CPNE3: variants seen among roughly 807,000 people sequenced by gnomAD.
CPNE3 encodes copine-3.
In CPNE3, 68 loss-of-function variants were observed where a neutral mutation model predicts 63.9. The ratio of observed to expected loss-of-function variants is 1.06; its 90% CI spans 0.87 to 1.30. The LOEUF (loss-of-function observed/expected upper bound fraction) is 1.30, where lower values mean the gene tolerates loss of function less well. CPNE3 is among the 50% of genes most tolerant of loss of function. The pLI is 0.00. For synonymous variants in CPNE3, 219 were observed against 197.5 expected (o/e 1.11, Z -0.91); for missense variants, 665 against 578.1 (o/e 1.15, Z -1.54).
Position 86,528,983 on chromosome 8 carries a change from C to A in CPNE3, c.171C>A (p.Pro57=). 1 of 1,613,552 alleles carries A rather than the reference C, an allele frequency of 6.2e-7. No homozygotes were observed. The highest frequency in any genetic ancestry group is 8.5e-7 in the Non-Finnish European group (1 of 1,179,892). The part of the protein sequence containing the change: ...RTERIKNCLN[P]QFSKTFIIDY... ...AAAGGATTAAGAATTGCTTGAATCC[C>A]CAATTTTCCAAGACATTTATTATTG... is the stretch of plus-strand genomic sequence containing the variant. Residue 57 remains proline (P), a synonymous_variant, in exon 4 of 17, where the codon CCC becomes CCA. Coordinates refer to ENST00000517490, the MANE Select transcript of CPNE3 (RefSeq NM_003909.5).
intron 2 of CPNE3, among the ~76,000 whole-genome samples, chr8:86,520,417 G>A (rs935251013): frequency 2.0e-5 from 3 of 151,830 alleles, no homozygotes; most frequent in East Asian, 2.0e-4. Flanking sequence ...TTAGCTGGGC[G>A]TGATGGCAGC....
intron 2 of CPNE3, among the ~76,000 whole-genome samples, chr8:86,522,902 A>T (rs1432709544): frequency 6.6e-6 from 1 of 152,216 alleles, no homozygotes; most frequent in African/African-American, 2.4e-5. Flanking sequence ...AGTCACTGAC[A>T]TGAGCCTGCG....
In CPNE3 at chr8:86,537,770, A is replaced by T. The variant is rs1820833914; in HGVS notation, c.543+124A>T. 13 of 644,934 alleles carry T rather than the reference A, an allele frequency of 2.0e-5. No individual in the cohort carries two copies. In the Admixed American group the frequency reaches 3.4e-4, roughly 17 times the overall value. The allele number at this position is 644,934 out of a possible 1,614,324, so 40.0% of individuals were successfully genotyped here. On this transcript the variant is annotated intron_variant, in intron 7 of 16. Coordinates refer to ENST00000517490, the MANE Select transcript of CPNE3 (RefSeq NM_003909.5). ...TTCATACTTACATATAGCCAGAGAC[A>T]CAAGATCACCATGTTCATATTTTTT...
At chr8:86,522,262 A>G (rs1005942126) in intron 2 of CPNE3, among the ~76,000 whole-genome samples, 1 of 152,204 alleles carries the variant, frequency 6.6e-6, no homozygotes, top group Non-Finnish European at 1.5e-5. Context: ...CTATGTATAC[A>G]TAGTTAGCTA....
chr8:86,540,615 T>C (rs1359585377), intron 8 of CPNE3, among the ~76,000 whole-genome samples: 2 of 152,144 alleles, frequency 1.3e-5, no homozygotes, highest in African/African-American at 4.8e-5. Flanking sequence ...CAGTTTAATA[T>C]TTTTTTCCTT....
rs906872028 is a variant in CPNE3 at position 86,550,939 on chromosome 8, A to G, written c.1014-107A>G. The G allele has an allele frequency of 5.6e-6, 6 of 1,064,122 alleles. No homozygotes were observed. In the African/African-American group the frequency reaches 8.0e-5, roughly 14 times the overall value. 65.9% of individuals were successfully genotyped at this position (1,064,122 alleles called of 1,614,324 possible). On this transcript the variant is annotated intron_variant, in intron 12 of 16. Coordinates refer to ENST00000517490, the MANE Select transcript of CPNE3 (RefSeq NM_003909.5). ...AGTTAATATAGGTAATCTTTGTTTT[A>G]TCTTCATACTTTTTGAAATGAGCTC...
In CPNE3 at chr8:86,540,338, A is replaced by G; in HGVS notation, c.633+4A>G. On this transcript the variant is annotated splice_donor_region_variant and intron_variant, in intron 8 of 16. Transcript: ENST00000517490. Reference sequence around the variant, plus strand: ...AGATATGGACAAAACCATTAAGGTAAGTTGAAATTATATATATATAAAATA... The same window carrying G: ...AGATATGGACAAAACCATTAAGGTAGGTTGAAATTATATATATATAAAATA... 1.4e-6 allele frequency: 2 copies of G among 1,423,500 alleles called. No homozygotes were observed. Among genetic ancestry groups the G allele is most frequent in the Non-Finnish European group, 1.9e-6 (2 of 1,067,396 alleles). 88.2% of individuals were successfully genotyped at this position (1,423,500 alleles called of 1,614,324 possible).
At chr8:86,555,231 T>C (rs1316529385) in intron 15 of CPNE3, among the ~76,000 whole-genome samples, 2 of 144,540 alleles carry the variant, frequency 1.4e-5, no homozygotes, top group African/African-American at 5.6e-5. Context: ...AGATAGGTTC[T>C]ACCAAAAAAA....
intron 8 of CPNE3, among the ~76,000 whole-genome samples, chr8:86,542,270 G>T (rs1820957883): frequency 6.6e-6 from 1 of 152,152 alleles, no homozygotes; most frequent in Non-Finnish European, 1.5e-5. Flanking sequence ...TGCTTATAGG[G>T]ATAGTAAAGA....
intron 2 of CPNE3, among the ~76,000 whole-genome samples, chr8:86,519,816 C>A (rs10100247): frequency 6.6e-6 from 1 of 152,026 alleles, no homozygotes; most frequent in African/African-American, 2.4e-5. Context: ...CTGGTTCAAG[C>A]GATTCTCCTG....
rs542059322 is a variant in CPNE3 at position 86,526,892 on chromosome 8, G to C, written c.-10-1644G>C. The stretch of plus-strand genomic sequence containing the variant: ...ATTTTTCTTAGTCTCTATTTATTTA[G>C]GAATCTTAGTATTGATTTTTGACAT... On this transcript the variant is annotated intron_variant, in intron 2 of 16. Coordinates refer to ENST00000517490, the MANE Select transcript of CPNE3 (RefSeq NM_003909.5). 4.6e-4 allele frequency among the ~76,000 whole-genome samples: 70 copies of C among 152,244 alleles called. 1 individual carries two copies. The South Asian group carries it at 0.014, about 31-fold the overall frequency.
At chr8:86,540,773 T>A (rs1415335744) in intron 8 of CPNE3, among the ~76,000 whole-genome samples, 1 of 152,228 alleles carries the variant, frequency 6.6e-6, no homozygotes, top group East Asian at 1.9e-4. Context: ...TGATGGCATT[T>A]TTCTTCCTTA....
intron 2 of CPNE3, among the ~76,000 whole-genome samples, chr8:86,526,245 G>A (rs374150198): frequency 6.6e-6 from 1 of 152,034 alleles, no homozygotes; most frequent in Non-Finnish European, 1.5e-5. Flanking sequence ...AAAAAATTGG[G>A]TGTGTGCATT....
intron 12 of CPNE3, 137 bp downstream of exon 12, chr8:86,548,571 T>TC (rs1186765682): frequency 9.4e-7 from 1 of 1,061,476 alleles, no homozygotes; most frequent in African/African-American, 1.6e-5. Flanking sequence ...CGTCTTATCT[T>TC]CTATTTTTCT....
intron 2 of CPNE3, chr8:86,525,044 G>A (rs6651270): frequency 0.83 from 125,627 of 152,014 alleles, 52,560 homozygotes; most frequent in African/African-American, 0.96. Context: ...TAGTAGAGAC[G>A]GGGTTTCACC....
rs1034267573 is a variant in CPNE3, at chr8:86,556,462, T to C, written c.1491+124T>C. On this transcript the variant is annotated intron_variant, in intron 16 of 16. Coordinates refer to ENST00000517490, the MANE Select transcript of CPNE3 (RefSeq NM_003909.5). The stretch of plus-strand genomic sequence containing the variant: ...ATGTGTGAACACTTTCCTTTGTCCA[T>C]TTGAGAGCTCCGATTTGGTTTAGCA... 8 of 718,658 alleles carry C rather than the reference T, an allele frequency of 1.1e-5. No individual in the cohort carries two copies. In the Admixed American group the frequency reaches 1.1e-4, roughly 10 times the overall value. The allele number at this position is 718,658 out of a possible 1,614,324, so 44.5% of individuals were successfully genotyped here.
intron 13 of CPNE3, 25 bp from the exon 14 acceptor site, chr8:86,551,158 T>C (rs1377234255): frequency 6.2e-7 from 1 of 1,613,704 alleles, no homozygotes; most frequent in African/African-American, 1.3e-5. Context: ...CCAGCCCTCA[T>C]CAGTCCTTTG....
intron 14 of CPNE3, chr8:86,553,962 A>T (rs1821254014): frequency 6.6e-6 from 1 of 152,188 alleles, no homozygotes; most frequent in Non-Finnish European, 1.5e-5. Flanking sequence ...TGTAATAAAC[A>T]ATCTCTAAAT....
chr8:86,534,976 C>T lies in CPNE3; in HGVS notation c.459+2396C>T, dbSNP rs145746299. On this transcript the variant is annotated intron_variant, in intron 6 of 16. Coordinates refer to ENST00000517490, the MANE Select transcript of CPNE3 (RefSeq NM_003909.5). ...TTTATAACTGTAATGGATTACTTCTCATAGATACTTAAGTTATTCCAATTT... is the reference window on the plus strand; with the variant it reads ...TTTATAACTGTAATGGATTACTTCTTATAGATACTTAAGTTATTCCAATTT... Among the ~76,000 whole-genome samples the T allele has an allele frequency of 4.8e-4, 73 of 152,308 alleles. No homozygotes were observed. In the East Asian group the frequency reaches 5.0e-3, roughly 10 times the overall value.
Sources: gnomAD v4.1 joint callset for allele counts (sites outside exome capture counted in the v4.1 genomes callset) on GRCh38, gnomAD v4.1.1 for gene constraint, MANE v1.5 for transcripts, NCBI Gene and HGNC (gene_info 2026-07-23, HGNC 2026-07-21) for gene names.